Variants in HPSE2 observed in about 807,000 individuals in gnomAD.
The protein encoded by HPSE2 is heparanase 2 (inactive), also known as inactive heparanase-2.
In HPSE2, 38 loss-of-function variants were observed where a neutral mutation model predicts 60.5. That is an observed-to-expected ratio of 0.63 (90% CI 0.48 to 0.82). The LOEUF is 0.82. Among genes scored for constraint, HPSE2 ranks in the 40% least tolerant of loss-of-function variants. The probability of loss-of-function intolerance (pLI) is 0.00; values close to 1 mark genes in which losing one functional copy is unlikely to be tolerated. For synonymous variants in HPSE2, 295 were observed against 293.2 expected (o/e 1.01, Z -0.06); for missense variants, 713 against 740.4 (o/e 0.96, Z 0.43).
chr10:98,605,638 G>A (rs1190725704), intron 9 of HPSE2, among the ~76,000 whole-genome samples: 1 of 152,192 alleles, frequency 6.6e-6, no homozygotes, highest in African/African-American at 2.4e-5. Context: ...AAAGGGCCAG[G>A]CAGTGAGATA....
At chr10:98,621,604 T>A (rs1946075786) in intron 7 of HPSE2, among the ~76,000 whole-genome samples, 1 of 152,190 alleles carries the variant, frequency 6.6e-6, no homozygotes, top group Non-Finnish European at 1.5e-5. Context: ...ATTTTCAAAT[T>A]GACAACCATT....
intron 7 of HPSE2, among the ~76,000 whole-genome samples, chr10:98,631,728 C>T (rs1023093265): frequency 2.6e-5 from 4 of 152,172 alleles, no homozygotes; most frequent in African/African-American, 9.7e-5. Context: ...TATAGCAGGA[C>T]CTTACTAAAC....
At position 98,749,947 on chromosome 10, in the gene HPSE2, T is replaced by TATATATATATATATATATATACACACAC; in HGVS notation, c.611-5892_611-5891insGTGTGTGTATATATATATATATATATAT. On this transcript the variant is annotated intron_variant, in intron 3 of 11. Transcript: ENST00000370552. ...ATTAAACACTATATATATATATATA[T>TATATATATATATATATATATACACACAC]ACACACACACTTACACACACATTTA... Among the ~76,000 whole-genome samples the TATATATATATATATATATATACACACAC allele has an allele frequency of 6.5e-3, 641 of 98,382 alleles. 9 individuals carry two copies. Among genetic ancestry groups the TATATATATATATATATATATACACACAC allele is most frequent in the East Asian group, 0.021 (75 of 3,512 alleles). 64.5% of individuals were successfully genotyped at this position (98,382 alleles called of 152,430 possible). A position where few individuals can be genotyped will look rare whatever the true frequency, so the allele number is the denominator to read the frequency against.
intron 3 of HPSE2, chr10:99,047,972 C>G: frequency 1.4e-6 from 1 of 719,414 alleles, no homozygotes; most frequent in Non-Finnish European, 2.5e-6. Flanking sequence ...GTTTCCGTTT[C>G]TTTGCCTTCA....
chr10:98,824,926 T>C (rs1439174857), intron 3 of HPSE2, among the ~76,000 whole-genome samples: 1 of 152,210 alleles, frequency 6.6e-6, no homozygotes, highest in East Asian at 1.9e-4. Context: ...ACGGTAAACA[T>C]GTCCTTCCTT....
At chr10:99,250,649 A>G in the HPSE2 span, among the ~76,000 whole-genome samples, 9 of 152,130 alleles carry the variant, frequency 5.9e-5, no homozygotes, top group African/African-American at 9.7e-5. Context: ...AATCCTACCA[A>G]CCATACTCCT....
chr10:98,819,504 A>G (rs746121495), intron 3 of HPSE2, among the ~76,000 whole-genome samples: 2 of 149,372 alleles, frequency 1.3e-5, no homozygotes, highest in East Asian at 2.0e-4. Flanking sequence ...TCATGTGGCC[A>G]TTACCTTTTC....
At position 98,641,835 on chromosome 10, in the gene HPSE2, A is replaced by G; in HGVS notation, c.1098+12T>C. The G allele has an allele frequency of 1.3e-6, 2 of 1,589,792 alleles. No individual in the cohort carries two copies. The highest frequency in any genetic ancestry group is 1.7e-6 in the Non-Finnish European group (2 of 1,158,056). ...GAATCGCTCCTTTTCTTCCCAGGATACTTTTACTCACTTTCTGAATTTTCC... is the reference window on the plus strand; with the variant it reads ...GAATCGCTCCTTTTCTTCCCAGGATGCTTTTACTCACTTTCTGAATTTTCC... On this transcript the variant is annotated intron_variant, in intron 7 of 11. Transcript: ENST00000370552.
At chr10:98,472,998 CAT>C (rs200657360) in intron 11 of HPSE2, among the ~76,000 whole-genome samples, 2,706 of 152,164 alleles carry the variant, frequency 0.018, 36 homozygotes, top group Non-Finnish European at 0.024. Flanking sequence ...ACAATACTAA[CAT>C]ATGAAAAATC....
At chr10:98,957,400 C>A (rs181396857) in intron 3 of HPSE2, among the ~76,000 whole-genome samples, 2 of 152,210 alleles carry the variant, frequency 1.3e-5, no homozygotes, top group South Asian at 2.1e-4. Context: ...TTTGCATAGA[C>A]CTGCTCACTG....
At chr10:99,117,310 C>G (rs12777484) in intron 3 of HPSE2, among the ~76,000 whole-genome samples, 1 of 146,590 alleles carries the variant, frequency 6.8e-6, no homozygotes, top group Non-Finnish European at 1.5e-5. Flanking sequence ...AAAACCAACT[C>G]TAAAGCTAGC....
chr10:99,020,151 C>T (rs1017406177), intron 3 of HPSE2, among the ~76,000 whole-genome samples: 1 of 152,132 alleles, frequency 6.6e-6, no homozygotes, highest in Admixed American at 6.5e-5. Context: ...TTCATAATTA[C>T]TTATTGAGCA....
chr10:98,933,394 A>C (rs1350488245), intron 3 of HPSE2, among the ~76,000 whole-genome samples: 1 of 144,332 alleles, frequency 6.9e-6, no homozygotes, highest in African/African-American at 2.8e-5. Flanking sequence ...TTTTAGAATA[A>C]GTGCCATGTG....
intron 3 of HPSE2, among the ~76,000 whole-genome samples, chr10:99,028,188 A>T: frequency 6.6e-6 from 1 of 152,188 alleles, no homozygotes; most frequent in Non-Finnish European, 1.5e-5. Context: ...GTCAAATTGG[A>T]AAGGAAGAAG....
At chr10:98,659,598 C>A (rs1947170146) in intron 6 of HPSE2, among the ~76,000 whole-genome samples, 1 of 152,162 alleles carries the variant, frequency 6.6e-6, no homozygotes, top group South Asian at 2.1e-4. Flanking sequence ...TACCTTTAAG[C>A]TATTGTGAGT....
intron 4 of HPSE2, among the ~76,000 whole-genome samples, chr10:98,732,480 T>C (rs1183605308): frequency 2.6e-5 from 4 of 152,066 alleles, no homozygotes; most frequent in Non-Finnish European, 5.9e-5. Context: ...AACAAAACTA[T>C]GTATGGTCAA....
chr10:98,713,718 AT>A (rs373081504), intron 5 of HPSE2, among the ~76,000 whole-genome samples: 9 of 150,902 alleles, frequency 6.0e-5, no homozygotes, highest in East Asian at 1.9e-4. Flanking sequence ...GGAATGTTTT[AT>A]TTTTTTTTCC....
At chr10:99,265,797 C>A in the HPSE2 span, among the ~76,000 whole-genome samples, 2 of 152,234 alleles carry the variant, frequency 1.3e-5, no homozygotes, top group Non-Finnish European at 2.9e-5. Flanking sequence ...GGGAGACAGA[C>A]AAAAAACTGT....
chr10:98,796,759 G>T (rs115345697), intron 3 of HPSE2, among the ~76,000 whole-genome samples: 1,793 of 152,246 alleles, frequency 0.012, 23 homozygotes, highest in African/African-American at 0.04. Flanking sequence ...AGCCAGTGCA[G>T]TCCCAGTGGT....
Sources: allele counts gnomAD v4.1 joint callset (sites outside exome capture counted in the v4.1 genomes callset), GRCh38; gene constraint gnomAD v4.1.1; transcripts MANE v1.5; gene names NCBI Gene and HGNC (gene_info 2026-07-23, HGNC 2026-07-21).